The following IGDCC4 variants were observed in gnomAD, a reference collection of about 807,000 sequenced individuals.
IGDCC4 encodes immunoglobulin superfamily DCC subclass member 4.
IGDCC4 carries 72 observed loss-of-function variants against 116.6 expected under a neutral mutation model. That is an observed-to-expected ratio of 0.62 (90% CI 0.51 to 0.75). The LOEUF (loss-of-function observed/expected upper bound fraction) is 0.75, where lower values mean the gene tolerates loss of function less well. IGDCC4 is among the 30% of genes least tolerant of loss of function. The pLI, the probability that IGDCC4 is intolerant of heterozygous loss-of-function variation, is 0.00. For synonymous variants in IGDCC4, 709 were observed against 719.9 expected, an observed-to-expected ratio of 0.98 and a Z score of 0.24; for missense variants, 1,501 against 1,662.4, an observed-to-expected ratio of 0.90 and a Z score of 1.69.
intron 6 of IGDCC4, 58 bp from the exon 7 acceptor site, chr15:65,396,221 C>G (rs4402504): frequency 7.4e-5 from 71 of 958,762 alleles, no homozygotes; most frequent in Middle Eastern, 3.8e-4. Flanking sequence ...TCTCTGCCCC[C>G]CCCCCAGTAC....
At chr15:65,421,606 C>G (rs540681678) in intron 1 of IGDCC4, among the ~76,000 whole-genome samples, 1 of 152,272 alleles carries the variant, frequency 6.6e-6, no homozygotes, top group East Asian at 1.9e-4. Flanking sequence ...TCCTTCCCCC[C>G]GCCTCCCTCC....
intron 3 of IGDCC4, among the ~76,000 whole-genome samples, chr15:65,402,808 G>A (rs984496774): frequency 2.0e-4 from 31 of 152,000 alleles, no homozygotes; most frequent in Non-Finnish European, 3.4e-4. Flanking sequence ...CGGAGGTTGC[G>A]GTGAGCCAAG....
Position 65,389,375 on chromosome 15 carries a change from T to C in IGDCC4, c.2445A>G (p.Pro815=). 1 of 1,614,194 alleles carries C rather than the reference T, an allele frequency of 6.2e-7. No individual in the cohort carries two copies. The highest frequency in any genetic ancestry group is 8.5e-7 in the Non-Finnish European group (1 of 1,180,030). The part of the protein sequence containing the change: ...GEDILIGGLK[P]FTKYEFAVQS... ...GCACTGCAAACTCGTATTTGGTGAATGGCTTCAAGCCGCCAATGAGGATGT... is the reference window on the plus strand; with the variant it reads ...GCACTGCAAACTCGTATTTGGTGAACGGCTTCAAGCCGCCAATGAGGATGT... Residue 815 remains proline (P), a synonymous_variant, in exon 14 of 20, where the codon CCA becomes CCG. Transcript: ENST00000352385.
chr15:65,409,733 G>A (rs1595791496), intron 3 of IGDCC4, among the ~76,000 whole-genome samples: 1 of 152,252 alleles, frequency 6.6e-6, no homozygotes, highest in East Asian at 1.9e-4. Context: ...GGAATTGAGA[G>A]AGGAAGAGAA....
chr15:65,393,126 G>C lies in IGDCC4; in HGVS notation c.1885+235C>G, dbSNP rs1384686473. Among the ~76,000 whole-genome samples, 1 of 152,092 alleles carries C rather than the reference G, an allele frequency of 6.6e-6. No homozygotes were observed. Among genetic ancestry groups the C allele is most frequent in the Non-Finnish European group, 1.5e-5 (1 of 68,010 alleles). ...CATTATTCAACCTCATGCCATTCCT[G>C]GGCAGTAAATGAAGCCTCAGAATGG... On this transcript the variant is annotated intron_variant, in intron 10 of 19. Coordinates refer to ENST00000352385, the MANE Select transcript of IGDCC4 (RefSeq NM_020962.3). This position sits in a 1 kb window ranked among gnomAD's most constrained non-coding sequence, Gnocchi z 4.6.
chr15:65,387,646 C>A (rs2091472307), intron 16 of IGDCC4, among the ~76,000 whole-genome samples: 2 of 151,914 alleles, frequency 1.3e-5, no homozygotes, highest in African/African-American at 4.8e-5. Context: ...AGCCACCGCG[C>A]CTGGCCGTCC....
intron 13 of IGDCC4, 54 bp from the exon 14 acceptor site, chr15:65,389,465 C>A: frequency 6.2e-7 from 1 of 1,612,514 alleles, no homozygotes; most frequent in Non-Finnish European, 8.5e-7. Flanking sequence ...CCCAGCAGGG[C>A]AGACTCCTCC....
chr15:65,397,986 C>A (rs539228951), intron 5 of IGDCC4, among the ~76,000 whole-genome samples: 1 of 152,278 alleles, frequency 6.6e-6, no homozygotes, highest in African/African-American at 2.4e-5. Context: ...TTAGTCATTA[C>A]AATTTTTTGA....
intron 18 of IGDCC4, chr15:65,385,390 CGGGTCGGAGTTGGGTG>C: frequency 1.8e-6 from 1 of 542,158 alleles, no homozygotes; most frequent in African/African-American, 1.9e-5. Flanking sequence ...TGAGGGAGGA[CGGGTCGGAGTTGGGTG>C]GGATGTGCCG....
At chr15:65,395,550 G>A (rs1051709712) in intron 7 of IGDCC4, among the ~76,000 whole-genome samples, 200 bp downstream of exon 7, 1 of 152,152 alleles carries the variant, frequency 6.6e-6, no homozygotes, top group Non-Finnish European at 1.5e-5. Context: ...CATGACTGAG[G>A]GAAGCAGTGG....
At chr15:65,402,125 G>C (rs1289873098) in intron 4 of IGDCC4, among the ~76,000 whole-genome samples, 1 of 152,234 alleles carries the variant, frequency 6.6e-6, no homozygotes, top group Admixed American at 6.5e-5. Context: ...CATGAAGAGA[G>C]GAGCCCTGCC....
Position 65,389,227 on chromosome 15 carries a change from G to A in IGDCC4, c.2536+57C>T, listed in dbSNP as rs1382190017. 3.1e-6 allele frequency: 5 copies of A among 1,596,100 alleles called. No homozygotes were observed. In the East Asian group the frequency reaches 9.0e-5, roughly 29 times the overall value. On this transcript the variant is annotated intron_variant, in intron 14 of 19. Transcript: ENST00000352385. ...TCTGAAGTATGTTTCTTGCTGCTGG[G>A]GCAAGAAGGAGTTGGGCAAAAGATG... is the stretch of plus-strand genomic sequence containing the variant.
intron 3 of IGDCC4, among the ~76,000 whole-genome samples, chr15:65,404,535 C>G (rs1177624341): frequency 6.6e-6 from 1 of 152,180 alleles, no homozygotes; most frequent in Admixed American, 6.5e-5. Context: ...AACTAGCGAG[C>G]TGACTATGCT....
chr15:65,408,626 T>C (rs982702260), intron 3 of IGDCC4, among the ~76,000 whole-genome samples: 4 of 152,224 alleles, frequency 2.6e-5, no homozygotes, highest in Admixed American at 6.5e-5. Context: ...AGTTTCCTGT[T>C]CTTATTTGAT....
intron 7 of IGDCC4, 40 bp downstream of exon 7, chr15:65,395,710 C>T: frequency 7.1e-7 from 1 of 1,404,480 alleles, no homozygotes; most frequent in East Asian, 2.8e-5. Flanking sequence ...TGCGCCCCGC[C>T]CGGGCCTGCG....
chr15:65,419,089 G>A (rs1335359214), intron 1 of IGDCC4, among the ~76,000 whole-genome samples: 1 of 151,928 alleles, frequency 6.6e-6, no homozygotes, highest in Non-Finnish European at 1.5e-5. Flanking sequence ...GTCTCACTCT[G>A]TTGCCCAGGG....
Position 65,384,531 on chromosome 15 carries a change from A to G in IGDCC4, c.3343-112T>C. 1 of 1,073,492 alleles carries G rather than the reference A, an allele frequency of 9.3e-7. No individual in the cohort carries two copies. The highest frequency in any genetic ancestry group is 1.3e-6 in the Non-Finnish European group (1 of 763,484). 66.5% of individuals were successfully genotyped at this position (1,073,492 alleles called of 1,614,324 possible). A position where few individuals can be genotyped will look rare whatever the true frequency, so the allele number is the denominator to read the frequency against. ...GACCCTCCATCAGAGTAAGTATCAC[A>G]TGGGAGTCGGTGAAGGATACACAGG... is the stretch of plus-strand genomic sequence containing the variant. On this transcript the variant is annotated intron_variant, in intron 19 of 19. Coordinates refer to ENST00000352385, the MANE Select transcript of IGDCC4 (RefSeq NM_020962.3). This position sits in a 1 kb window ranked among gnomAD's most constrained non-coding sequence, Gnocchi z 4.9.
chr15:65,390,384 A>C, intron 12 of IGDCC4, 46 bp from the exon 13 acceptor site: 79 of 1,469,776 alleles, frequency 5.4e-5, no homozygotes, highest in Middle Eastern at 2.4e-4. Context: ...GAGGATACTC[A>C]TCCTTAAATA....
chr15:65,418,441 C>T (rs188778271), intron 1 of IGDCC4, among the ~76,000 whole-genome samples: 16 of 152,280 alleles, frequency 1.1e-4, no homozygotes, highest in Admixed American at 9.1e-4. Flanking sequence ...CCTTATAGAA[C>T]CATCCAGGAG....
Sources: allele counts gnomAD v4.1 joint callset (sites outside exome capture counted in the v4.1 genomes callset), GRCh38; gene constraint gnomAD v4.1.1; non-coding constraint Gnocchi (gnomAD v3.1); transcripts MANE v1.5; gene names NCBI Gene and HGNC (gene_info 2026-07-23, HGNC 2026-07-21).